ANKRD22: variants seen among roughly 807,000 people sequenced by gnomAD.
ANKRD22 encodes the protein ankyrin repeat domain 22.
In ANKRD22, 24 loss-of-function variants were observed where a neutral mutation model predicts 25.7. The ratio of observed to expected loss-of-function variants is 0.93; its 90% confidence interval spans 0.68 to 1.31. The LOEUF (loss-of-function observed/expected upper bound fraction) is 1.31. ANKRD22 is among the 50% of genes most tolerant of loss of function. The pLI is 0.00. For synonymous variants in ANKRD22, 84 were observed against 84.3 expected (o/e 1.00, Z 0.02); for missense variants, 214 against 227.1 (o/e 0.94, Z 0.37).
intron 1 of ANKRD22, among the ~76,000 whole-genome samples, chr10:88,834,950 GA>G (rs1001010320): frequency 4.9e-5 from 7 of 143,814 alleles, no homozygotes; most frequent in Non-Finnish European, 7.4e-5. Flanking sequence ...AAAAAAGAAA[GA>G]AAAAAAAGAG....
At chr10:88,832,154 G>T in intron 1 of ANKRD22, 128 bp from the exon 2 acceptor site, 1 of 1,061,120 alleles carries the variant, frequency 9.4e-7, no homozygotes, top group Non-Finnish European at 1.3e-6. Context: ...TGCTTTGCAG[G>T]TGAGATTTTT....
At chr10:88,846,476 G>T (rs968126514) in intron 1 of ANKRD22, among the ~76,000 whole-genome samples, 1 of 152,140 alleles carries the variant, frequency 6.6e-6, no homozygotes, top group African/African-American at 2.4e-5. Context: ...TTTAGCTGAA[G>T]AATAAGCATA....
Position 88,820,741 on chromosome 10 carries a change from C to T in ANKRD22, c.*2200G>A, listed in dbSNP as rs1238130343. ...TTGAAGGGTAGGTTTTACCTGATAG[C>T]CAGAAAATATCTAGACATTCTCTAT... On this transcript the variant is annotated 3_prime_UTR_variant, in exon 6 of 6. Coordinates refer to ENST00000371930, the MANE Select transcript of ANKRD22 (RefSeq NM_144590.3). Among the ~76,000 whole-genome samples the T allele has an allele frequency of 6.6e-6, 1 of 152,032 alleles. No individual in the cohort carries two copies. Among genetic ancestry groups the T allele is most frequent in the Non-Finnish European group, 1.5e-5 (1 of 67,998 alleles).
intron 1 of ANKRD22, 110 bp downstream of exon 1, chr10:88,851,477 G>C: frequency 8.5e-7 from 1 of 1,176,598 alleles, no homozygotes; most frequent in South Asian, 1.2e-5. Context: ...CTCCCCCAGG[G>C]AGTTGAACAG....
rs1299988172 is a variant in ANKRD22 at position 88,822,833 on chromosome 10, A to G, written c.*108T>C. The stretch of plus-strand genomic sequence containing the variant: ...AACCATGGTAAGCATCATTATCCCC[A>G]TAAAATGGTGGCATCCAGGTTAAAT... On this transcript the variant is annotated 3_prime_UTR_variant, in exon 6 of 6. Coordinates refer to ENST00000371930, the MANE Select transcript of ANKRD22 (RefSeq NM_144590.3). 26 of 931,878 alleles carry G rather than the reference A, an allele frequency of 2.8e-5. No homozygotes were observed. Among genetic ancestry groups the G allele is most frequent in the African/African-American group, 1.7e-4 (10 of 60,302 alleles). 57.7% of individuals were successfully genotyped at this position (931,878 alleles called of 1,614,324 possible). A position where few individuals can be genotyped will look rare whatever the true frequency, so the allele number is the denominator to read the frequency against.
At chr10:88,826,608 A>G (rs1317534610) in intron 3 of ANKRD22, among the ~76,000 whole-genome samples, 1 of 152,154 alleles carries the variant, frequency 6.6e-6, no homozygotes, top group African/African-American at 2.4e-5. Context: ...TTCTCAGAGA[A>G]TCATTGCACA....
At chr10:88,844,259 G>A (rs1226153296) in intron 1 of ANKRD22, among the ~76,000 whole-genome samples, 1 of 152,172 alleles carries the variant, frequency 6.6e-6, no homozygotes, top group African/African-American at 2.4e-5. Context: ...AGCAAGGGGA[G>A]TGGCGGGAAA....
chr10:88,850,931 C>G (rs917769053), intron 1 of ANKRD22, among the ~76,000 whole-genome samples: 1 of 152,076 alleles, frequency 6.6e-6, no homozygotes, highest in Non-Finnish European at 1.5e-5. Flanking sequence ...ATAATGACAT[C>G]ATTACACCTC....
chr10:88,820,479 G>C lies in ANKRD22; in HGVS notation c.*2462C>G, dbSNP rs769184636. The C allele has an allele frequency of 1.2e-4, 192 of 1,551,110 alleles. 1 individual carries two copies. Among genetic ancestry groups the C allele is most frequent in the Non-Finnish European group, 1.2e-4 (140 of 1,146,954 alleles). On this transcript the variant is annotated 3_prime_UTR_variant, in exon 6 of 6. Transcript: ENST00000371930. Reference sequence around the variant, plus strand: ...CAGGAGGAGACCAACCTTTCCCAGGGACGGTGTGAGGCCGTATTGTGAAGC... The same window carrying C: ...CAGGAGGAGACCAACCTTTCCCAGGCACGGTGTGAGGCCGTATTGTGAAGC...
Position 88,820,584 on chromosome 10 carries a change from AC to A in ANKRD22, c.*2356del. 7.6e-7 allele frequency: 1 copy of A among 1,312,978 alleles called. No individual in the cohort carries two copies. The highest frequency in any genetic ancestry group is 2.7e-5 in the Admixed American group (1 of 36,686). The allele number at this position is 1,312,978 out of a possible 1,614,324, so 81.3% of individuals were successfully genotyped here. ...GAAGGCAGAATTACGGAGAGCAGAGACCTAGTATACATTTTTCAGATTCCCT... is the reference window on the plus strand; with the variant it reads ...GAAGGCAGAATTACGGAGAGCAGAGACTAGTATACATTTTTCAGATTCCCT... On this transcript the variant is annotated 3_prime_UTR_variant, in exon 6 of 6. Coordinates refer to ENST00000371930, the MANE Select transcript of ANKRD22 (RefSeq NM_144590.3).
intron 1 of ANKRD22, among the ~76,000 whole-genome samples, chr10:88,847,035 T>C (rs1489536294): frequency 6.6e-6 from 1 of 152,228 alleles, no homozygotes; most frequent in Non-Finnish European, 1.5e-5. Context: ...TTTCAGTTCA[T>C]CGTGATAGAT....
intron 1 of ANKRD22, among the ~76,000 whole-genome samples, chr10:88,837,141 T>C (rs1479793099): frequency 6.6e-6 from 1 of 152,208 alleles, no homozygotes; most frequent in Non-Finnish European, 1.5e-5. Context: ...ATCCAGGCTC[T>C]GGAAACAAAC....
rs148504188 is a variant in ANKRD22 at position 88,842,603 on chromosome 10, A to T, written c.21+8984T>A. On this transcript the variant is annotated intron_variant, in intron 1 of 5. Transcript: ENST00000371930. Reference sequence around the variant, plus strand: ...GATGAAAACCCAGTAGATACTCACAAGAGGTACATAATAGCATTCATCACA... The same window carrying T: ...GATGAAAACCCAGTAGATACTCACATGAGGTACATAATAGCATTCATCACA... 9.2e-5 allele frequency among the ~76,000 whole-genome samples: 14 copies of T among 152,290 alleles called. No individual in the cohort carries two copies. The East Asian group carries it at 2.7e-3, about 29-fold the overall frequency.
intron 1 of ANKRD22, among the ~76,000 whole-genome samples, chr10:88,846,269 A>G (rs1352788424): frequency 6.6e-6 from 1 of 152,144 alleles, no homozygotes; most frequent in Non-Finnish European, 1.5e-5. Context: ...TTACTGCATT[A>G]CAAGCATTGG....
At chr10:88,835,393 G>A (rs951447756) in intron 1 of ANKRD22, among the ~76,000 whole-genome samples, 5 of 152,102 alleles carry the variant, frequency 3.3e-5, no homozygotes, top group African/African-American at 7.2e-5. Flanking sequence ...ACAGGGATAC[G>A]TTCTGAGAAA....
chr10:88,828,597 G>C lies in ANKRD22; in HGVS notation c.283C>G (p.Leu95Val). 1 of 1,611,046 alleles carries C rather than the reference G, an allele frequency of 6.2e-7. No homozygotes were observed. The highest frequency in any genetic ancestry group is 8.5e-7 in the Non-Finnish European group (1 of 1,178,108). Reference sequence around the variant, plus strand: ...CCAATAAGCAGAACAGGCATTAAGAGGATAATTAGTAGATAATCAATGAAG... The same window carrying C: ...CCAATAAGCAGAACAGGCATTAAGACGATAATTAGTAGATAATCAATGAAG... Reference protein sequence around the residue: ...FTFIDYLLIILLMPVLLIGYF... With the variant: ...FTFIDYLLIIVLMPVLLIGYF... Residue 95 changes from leucine (L) to valine (V), a missense_variant, in exon 3 of 6, where the codon CTC (leucine) becomes GTC (valine). Coordinates refer to ENST00000371930, the MANE Select transcript of ANKRD22 (RefSeq NM_144590.3).
At chr10:88,850,407 T>C (rs1844093307) in intron 1 of ANKRD22, among the ~76,000 whole-genome samples, 1 of 152,132 alleles carries the variant, frequency 6.6e-6, no homozygotes, top group Non-Finnish European at 1.5e-5. Flanking sequence ...AAGATCTGTA[T>C]AGACATTAAA....
At position 88,826,972 on chromosome 10, in the gene ANKRD22, A is replaced by G. The variant is rs17113363; in HGVS notation, c.322-857T>C. 0.016 allele frequency among the ~76,000 whole-genome samples: 2,401 copies of G among 152,300 alleles called. 106 individuals carry two copies. The East Asian group carries it at 0.17, about 11-fold the overall frequency. ...CATACGTTAAAGAATTGAACAAATT[A>G]ATGAAATGAACTAGGACTCCTCAGA... On this transcript the variant is annotated intron_variant, in intron 3 of 5. Transcript: ENST00000371930.
At chr10:88,835,474 C>T (rs889283295) in intron 1 of ANKRD22, among the ~76,000 whole-genome samples, 2 of 152,090 alleles carry the variant, frequency 1.3e-5, no homozygotes, top group Non-Finnish European at 2.9e-5. Context: ...GATGGTAGAG[C>T]CTATTACTAA....
Sources: allele counts gnomAD v4.1 joint callset (sites outside exome capture counted in the v4.1 genomes callset), GRCh38; gene constraint gnomAD v4.1.1; transcripts MANE v1.5; gene names NCBI Gene and HGNC (gene_info 2026-07-23, HGNC 2026-07-21).